Variants in COL4A2 observed in about 807,000 individuals in gnomAD.
COL4A2 encodes collagen type IV alpha 2 chain.
A neutral mutation model predicts 200.2 loss-of-function variants in COL4A2; 99 were observed. That is an observed-to-expected ratio of 0.49 (90% CI 0.42 to 0.58). The LOEUF is 0.58. Among genes scored for constraint, COL4A2 ranks in the 20% least tolerant of loss-of-function variants. COL4A2 has a pLI of 0.00. For missense variants in COL4A2, 1,950 were observed against 2,314.1 expected, an observed-to-expected ratio of 0.84 and a Z score of 3.23; for synonymous variants, 897 against 900.6, an observed-to-expected ratio of 1.00 and a Z score of 0.07.
At chr13:110,354,368 G>A (rs1035148125) in intron 3 of COL4A2, among the ~76,000 whole-genome samples, 2 of 152,122 alleles carry the variant, frequency 1.3e-5, no homozygotes, top group Non-Finnish European at 2.9e-5. Flanking sequence ...GTATGGAGTT[G>A]GATTTCTAGA....
intron 40 of COL4A2, among the ~76,000 whole-genome samples, chr13:110,497,811 G>C (rs28475219): frequency 0.021 from 2,132 of 100,036 alleles, 57 homozygotes; most frequent in Non-Finnish European, 0.024. Flanking sequence ...GGTCAGTCCA[G>C]CAGCACAGCC....
rs1882533930 is a variant in COL4A2 at position 110,472,921 on chromosome 13, C to T, written c.2204-8C>T. The stretch of plus-strand genomic sequence containing the variant: ...TGTGGTTTGGGGCCCACCCATGTTT[C>T]CTTTTAGGGTTCATAGGACCCCGAG... On this transcript the variant is annotated splice_polypyrimidine_tract_variant and splice_region_variant and intron_variant, in intron 28 of 47. Coordinates refer to ENST00000360467, the MANE Select transcript of COL4A2 (RefSeq NM_001846.4). The T allele has an allele frequency of 2.6e-6, 4 of 1,552,236 alleles. No individual in the cohort carries two copies. Among genetic ancestry groups the T allele is most frequent in the South Asian group, 1.2e-5 (1 of 84,210 alleles).
chr13:110,400,501 A>T (rs1286103096), intron 4 of COL4A2, among the ~76,000 whole-genome samples: 3 of 150,892 alleles, frequency 2.0e-5, no homozygotes, highest in Non-Finnish European at 3.0e-5. Context: ...AGAAAGTCTA[A>T]ATGTTTAAAA....
At chr13:110,436,933 A>G (rs1170490943) in intron 13 of COL4A2, among the ~76,000 whole-genome samples, 1 of 152,132 alleles carries the variant, frequency 6.6e-6, no homozygotes, top group African/African-American at 2.4e-5. Context: ...CAGCCTTTCT[A>G]GGGCTTCCTG....
At chr13:110,502,274 C>T (rs1042768864) in intron 41 of COL4A2, among the ~76,000 whole-genome samples, 2 of 152,198 alleles carry the variant, frequency 1.3e-5, no homozygotes, top group African/African-American at 2.4e-5. Flanking sequence ...AAGCAAAATG[C>T]AGTCAGTATC....
chr13:110,432,502 G>C, intron 11 of COL4A2, 142 bp downstream of exon 11: 13 of 1,090,876 alleles, frequency 1.2e-5, no homozygotes, highest in Non-Finnish European at 1.2e-5. Context: ...AGGTTTTTAA[G>C]ACTTAATGTT....
intron 3 of COL4A2, among the ~76,000 whole-genome samples, chr13:110,331,159 G>T (rs1285679264): frequency 6.6e-6 from 1 of 151,930 alleles, no homozygotes; most frequent in Non-Finnish European, 1.5e-5. Flanking sequence ...TTTTATACTG[G>T]TCTTAAAATA....
intron 20 of COL4A2, among the ~76,000 whole-genome samples, chr13:110,455,514 G>T (rs7327139): frequency 0.65 from 99,373 of 151,804 alleles, 33,170 homozygotes; most frequent in Middle Eastern, 0.81. Context: ...TTGAAAATCC[G>T]CATTAGTGTG....
intron 18 of COL4A2, among the ~76,000 whole-genome samples, chr13:110,447,881 T>C (rs1360349688): frequency 2.0e-5 from 3 of 152,214 alleles, no homozygotes; most frequent in East Asian, 3.9e-4. Flanking sequence ...GTGTCAAGAA[T>C]TCACCTCCCT....
chr13:110,495,498 C>T (rs1414223894), intron 40 of COL4A2, 31 bp downstream of exon 40: 11 of 1,604,970 alleles, frequency 6.9e-6, no homozygotes, highest in South Asian at 2.2e-5. Flanking sequence ...CCAACATTGC[C>T]GTCCCAGTAA....
At position 110,361,588 on chromosome 13, in the gene COL4A2, C is replaced by A. The variant is rs539690898; in HGVS notation, c.180+4036C>A. 2.0e-5 allele frequency among the ~76,000 whole-genome samples: 3 copies of A among 152,176 alleles called. No homozygotes were observed. The East Asian group carries it at 5.8e-4, about 29-fold the overall frequency. On this transcript the variant is annotated intron_variant, in intron 4 of 47. Transcript: ENST00000360467. ...TACGTCACTGGATAACTTTTGGACA[C>A]GAAGCAGAAATCACAAGCATACTAT...
At chr13:110,489,357 A>G in intron 34 of COL4A2, 88 bp from the exon 35 acceptor site, 5 of 1,279,536 alleles carry the variant, frequency 3.9e-6, no homozygotes, top group Non-Finnish European at 5.7e-6. Flanking sequence ...TGTCGTTAGC[A>G]TACTGGATAG....
intron 6 of COL4A2, among the ~76,000 whole-genome samples, chr13:110,427,138 T>A (rs4321051): frequency 0.023 from 3,468 of 152,242 alleles, 126 homozygotes; most frequent in African/African-American, 0.078. Flanking sequence ...GTGTGGGGGT[T>A]TTGAGGTTTG....
In COL4A2 at chr13:110,469,295, C is replaced by T; in HGVS notation, c.2174C>T (p.Ala725Val). Residue 725 changes from alanine (A) to valine (V), a missense_variant, in exon 28 of 48, where the codon GCA (alanine) becomes GTA (valine). Transcript: ENST00000360467. ...GPGPRGLPGD[A>V]GREGFPGPPG... ...GGGCCCAGGGGCTTGCCAGGAGACG[C>T]AGGTCGTGAAGGGTTCCCAGGACCC... 6.3e-7 allele frequency: 1 copy of T among 1,597,672 alleles called. No homozygotes were observed. The highest frequency in any genetic ancestry group is 2.3e-5 in the East Asian group (1 of 44,428).
intron 3 of COL4A2, among the ~76,000 whole-genome samples, chr13:110,349,010 C>A (rs1876833047): frequency 2.0e-5 from 3 of 152,182 alleles, no homozygotes; most frequent in Non-Finnish European, 4.4e-5. Context: ...AAGTTGAGAA[C>A]AATGACCAGC....
rs1016008795 is a variant in COL4A2 at position 110,512,293 on chromosome 13, A to T, written c.*102A>T. ...TTTATTTTTTTCTTAAAAAAAAAAA[A>T]GTCTACCAAAGGAATTTGCATCCAG... On this transcript the variant is annotated 3_prime_UTR_variant, in exon 48 of 48. Transcript: ENST00000360467. 1 of 1,322,978 alleles carries T rather than the reference A, an allele frequency of 7.6e-7. No homozygotes were observed. The highest frequency in any genetic ancestry group is 1.0e-6 in the Non-Finnish European group (1 of 997,894). The allele number at this position is 1,322,978 out of a possible 1,614,324, so 82.0% of individuals were successfully genotyped here. A position where few individuals can be genotyped will look rare whatever the true frequency, so the allele number is the denominator to read the frequency against.
intron 4 of COL4A2, among the ~76,000 whole-genome samples, chr13:110,407,600 C>T (rs1022522196): frequency 1.3e-5 from 2 of 152,198 alleles, no homozygotes; most frequent in Non-Finnish European, 2.9e-5. Flanking sequence ...TGAATGAAGG[C>T]AGCTAAGAGA....
At position 110,428,491 on chromosome 13, in the gene COL4A2, AG is replaced by A. The variant is rs758180751; in HGVS notation, c.389del (p.Gly130GlufsTer116). 3 of 1,583,062 alleles carry A rather than the reference AG, an allele frequency of 1.9e-6. No homozygotes were observed. Among genetic ancestry groups the A allele is most frequent in the Admixed American group, 1.9e-5 (1 of 52,848 alleles). On this transcript the variant is annotated frameshift_variant, in exon 7 of 48. Coordinates refer to ENST00000360467, the MANE Select transcript of COL4A2 (RefSeq NM_001846.4). LOFTEE classifies it high-confidence loss of function. ...IPGHPGQGGP[R>X]GRPGYDGCNG... is the part of the protein sequence containing the mutation. ...GGGACACCCGGGGCAAGGTGGGCCC[AG>A]GGGAAGGCCGGGCTACGATGGCTGC...
intron 4 of COL4A2, among the ~76,000 whole-genome samples, chr13:110,376,381 T>C (rs2139406312): frequency 6.6e-6 from 1 of 152,248 alleles, no homozygotes; most frequent in African/African-American, 2.4e-5. Flanking sequence ...CACATGAGCC[T>C]CTGACCTGCT....
Sources: allele counts gnomAD v4.1 joint callset (sites outside exome capture counted in the v4.1 genomes callset), GRCh38; gene constraint gnomAD v4.1.1; transcripts MANE v1.5; gene names NCBI Gene and HGNC (gene_info 2026-07-23, HGNC 2026-07-21).